The following TPO variants were observed in gnomAD, a reference collection of about 807,000 sequenced individuals.
TPO encodes the protein thyroid peroxidase.
Under a neutral mutation model 96.9 loss-of-function variants are expected in TPO, and 78 were observed. That is an observed-to-expected ratio of 0.81 (90% confidence interval 0.67 to 0.97). The LOEUF (loss-of-function observed/expected upper bound fraction) is 0.97, where lower values mean the gene tolerates loss of function less well. Among genes scored for constraint, TPO ranks in the 50% least tolerant of loss-of-function variants. TPO has a pLI of 0.00. For missense variants in TPO, 1,252 were observed against 1,274.8 expected (o/e 0.98, Z 0.27); for synonymous variants, 547 against 538.0 (o/e 1.02, Z -0.23).
chr2:1,442,299 C>T (rs1039116843), intron 5 of TPO, among the ~76,000 whole-genome samples: 4 of 152,190 alleles, frequency 2.6e-5, no homozygotes, highest in Non-Finnish European at 4.4e-5. Flanking sequence ...GAATTACTCA[C>T]GGACAGTCCT....
chr2:1,400,633 A>C (rs577542788), intron 1 of TPO, among the ~76,000 whole-genome samples: 77 of 152,008 alleles, frequency 5.1e-4, no homozygotes, highest in Non-Finnish European at 8.1e-4. Flanking sequence ...AAAAAAAAAA[A>C]AACAAATTTC....
At chr2:1,518,155 A>T (rs1369298448) in intron 15 of TPO, among the ~76,000 whole-genome samples, 1 of 152,000 alleles carries the variant, frequency 6.6e-6, no homozygotes, top group Non-Finnish European at 1.5e-5. Context: ...GGACTTTCCC[A>T]CTCTAAGGCC....
chr2:1,443,965 C>CAAT (rs1666487195), intron 5 of TPO, among the ~76,000 whole-genome samples: 1 of 92,750 alleles, frequency 1.1e-5, no homozygotes, highest in African/African-American at 4.4e-5. Flanking sequence ...TGGAAGGGAA[C>CAAT]GGGGCAGGCT....
chr2:1,540,627 C>G lies in TPO; in HGVS notation c.2652C>G (p.Ile884Met), dbSNP rs763019320. ...CTGGCACTAAATCCACACTGCCCATCTCGGAGACAGGCGGAGGAACTCCCG... is the reference window on the plus strand; with the variant it reads ...CTGGCACTAAATCCACACTGCCCATGTCGGAGACAGGCGGAGGAACTCCCG... ...TRTGTKSTLP[I>M]SETGGGTPEL... The change falls in exon 16 of 17, where the codon ATC (isoleucine) becomes ATG (methionine). Residue 884 changes from isoleucine to methionine, a missense_variant. By Grantham distance (10) the Ile-to-Met change is conservative. Transcript: ENST00000329066. 5 of 1,613,702 alleles carry G rather than the reference C, an allele frequency of 3.1e-6. No individual in the cohort carries two copies. In the South Asian group the frequency reaches 5.5e-5, roughly 18 times the overall value.
At chr2:1,437,165 T>G (rs2148505007) in intron 5 of TPO, among the ~76,000 whole-genome samples, 1 of 152,262 alleles carries the variant, frequency 6.6e-6, no homozygotes, top group African/African-American at 2.4e-5. Context: ...AGAAGAGGGC[T>G]TTGCAAAGGC....
chr2:1,439,769 G>A (rs2148515771), intron 5 of TPO, among the ~76,000 whole-genome samples: 1 of 152,140 alleles, frequency 6.6e-6, no homozygotes, highest in South Asian at 2.1e-4. Context: ...ATGCCCCACT[G>A]TGAGTTCCTC....
At chr2:1,512,135 G>C (rs535333616) in intron 14 of TPO, among the ~76,000 whole-genome samples, 1 of 152,076 alleles carries the variant, frequency 6.6e-6, no homozygotes, top group African/African-American at 2.4e-5. Flanking sequence ...CCGGGTTCAC[G>C]CCATTCTCCT....
intron 4 of TPO, among the ~76,000 whole-genome samples, chr2:1,435,815 A>G (rs1416958274): frequency 6.6e-6 from 1 of 152,214 alleles, no homozygotes; most frequent in East Asian, 1.9e-4. Context: ...TTTTTTCTAC[A>G]TTAGGGTTCG....
intron 13 of TPO, among the ~76,000 whole-genome samples, chr2:1,498,591 T>C (rs1452150676): frequency 2.0e-5 from 3 of 152,176 alleles, no homozygotes; most frequent in Non-Finnish European, 2.9e-5. Flanking sequence ...CCCTGCTGCA[T>C]TTTGGGATTG....
chr2:1,480,849 A>ACCTCCCTCCTCC (rs1491437363), intron 8 of TPO, among the ~76,000 whole-genome samples: 3 of 151,400 alleles, frequency 2.0e-5, no homozygotes, highest in Admixed American at 6.6e-5. Flanking sequence ...TGTCCTCACC[A>ACCTCCCTCCTCC]TACCCACTCT....
intron 8 of TPO, among the ~76,000 whole-genome samples, chr2:1,478,648 C>G (rs1488421206): frequency 6.6e-6 from 1 of 152,238 alleles, no homozygotes; most frequent in Non-Finnish European, 1.5e-5. Context: ...CAGGGGCTGG[C>G]AGCAGCAGGC....
chr2:1,523,816 C>G (rs1318090968), intron 15 of TPO, among the ~76,000 whole-genome samples: 2 of 130,246 alleles, frequency 1.5e-5, no homozygotes, highest in East Asian at 2.6e-4. Flanking sequence ...CCAAATCCCC[C>G]CACTGTGAGC....
At chr2:1,512,747 C>T (rs983215131) in intron 14 of TPO, among the ~76,000 whole-genome samples, 4 of 152,162 alleles carry the variant, frequency 2.6e-5, no homozygotes, top group Admixed American at 1.3e-4. Flanking sequence ...TGATGGTGGA[C>T]GATGGTGGAC....
chr2:1,493,209 T>G (rs28911495), intron 10 of TPO, among the ~76,000 whole-genome samples: 124 of 17,464 alleles, frequency 7.1e-3, no homozygotes, highest in Non-Finnish European at 9.5e-3. Context: ...TGTGAGTGGG[T>G]GGGGGGGGGG....
chr2:1,531,533 T>A (rs867375737), intron 15 of TPO, among the ~76,000 whole-genome samples: 1 of 68,596 alleles, frequency 1.5e-5, no homozygotes, highest in Non-Finnish European at 2.9e-5. Flanking sequence ...TGCAACCTCC[T>A]CAAATCCCTC....
chr2:1,394,851 AGT>A (rs1425715753), intron 1 of TPO, among the ~76,000 whole-genome samples: 1 of 151,940 alleles, frequency 6.6e-6, no homozygotes, highest in Non-Finnish European at 1.5e-5. Context: ...GGGCCATGAG[AGT>A]GTTGAGATGC....
chr2:1,443,115 T>G (rs1295013103), intron 5 of TPO, among the ~76,000 whole-genome samples: 1 of 152,242 alleles, frequency 6.6e-6, no homozygotes, highest in Non-Finnish European at 1.5e-5. Flanking sequence ...AGTTTTGATC[T>G]GATGAACTAC....
chr2:1,500,225 G>A (rs932575161), intron 13 of TPO, among the ~76,000 whole-genome samples: 6 of 152,230 alleles, frequency 3.9e-5, no homozygotes, highest in Non-Finnish European at 7.3e-5. Context: ...TCCAGAACCT[G>A]TTAATACTGG....
At chr2:1,494,180 C>A in intron 11 of TPO, 141 bp downstream of exon 11, 1 of 879,302 alleles carries the variant, frequency 1.1e-6, no homozygotes, top group Non-Finnish European at 1.9e-6. Flanking sequence ...GGTTGTTTCT[C>A]CCACCCACAG....
Sources: allele counts gnomAD v4.1 joint callset (sites outside exome capture counted in the v4.1 genomes callset), GRCh38; gene constraint gnomAD v4.1.1; transcripts MANE v1.5; gene names NCBI Gene and HGNC (gene_info 2026-07-23, HGNC 2026-07-21).